The following SLC9A9 variants were observed in gnomAD, a reference collection of about 807,000 sequenced individuals.
SLC9A9 encodes the protein solute carrier family 9 member A9.
Under a neutral mutation model 77.8 loss-of-function variants are expected in SLC9A9, and 62 were observed. That is an observed-to-expected ratio of 0.80 (90% CI 0.65 to 0.98). The LOEUF (loss-of-function observed/expected upper bound fraction) is 0.98, where lower values mean the gene tolerates loss of function less well. Ranked by LOEUF, SLC9A9 falls within the 50% of genes least tolerant of loss-of-function variation. SLC9A9 has a pLI of 0.00. For missense variants in SLC9A9, 775 were observed against 774.9 expected (o/e 1.00, Z 0.00); for synonymous variants, 320 against 283.5 (o/e 1.13, Z -1.29).
At chr3:143,309,598 T>C (rs1229201148) in intron 14 of SLC9A9, among the ~76,000 whole-genome samples, 2 of 152,166 alleles carry the variant, frequency 1.3e-5, no homozygotes, top group Non-Finnish European at 2.9e-5. Context: ...TCCAGACCCT[T>C]TCTTCTCATG....
chr3:143,655,681 TACACACACACACACACAC>T, intron 5 of SLC9A9: 1 of 626,142 alleles, frequency 1.6e-6, no homozygotes, highest in Non-Finnish European at 2.0e-6. Context: ...CATGCACATG[TACACACACACACACACAC>T]ACACACACAC....
At chr3:143,791,634 A>G (rs1298931569) in intron 4 of SLC9A9, among the ~76,000 whole-genome samples, 1 of 152,192 alleles carries the variant, frequency 6.6e-6, no homozygotes, top group African/African-American at 2.4e-5. Flanking sequence ...CATCATAACT[A>G]ATGCACTTAA....
intron 6 of SLC9A9, among the ~76,000 whole-genome samples, chr3:143,643,338 G>A (rs879790785): frequency 1.7e-4 from 26 of 152,206 alleles, no homozygotes; most frequent in Non-Finnish European, 1.3e-4. Flanking sequence ...CAGATAGATG[G>A]CAAGTTTCGT....
chr3:143,642,852 C>A (rs1413342885), intron 6 of SLC9A9, among the ~76,000 whole-genome samples: 1 of 152,110 alleles, frequency 6.6e-6, no homozygotes, highest in East Asian at 1.9e-4. Context: ...TCAATATTTG[C>A]ACTTTTCATT....
At chr3:143,310,248 C>A (rs7431684) in intron 14 of SLC9A9, among the ~76,000 whole-genome samples, 107,554 of 152,068 alleles carry the variant, frequency 0.71, 39,553 homozygotes, top group African/African-American at 0.92. Context: ...CAAGCAGCTA[C>A]AAAGGAAGAC....
At chr3:143,829,177 G>A (rs979463797) in intron 2 of SLC9A9, among the ~76,000 whole-genome samples, 3 of 152,138 alleles carry the variant, frequency 2.0e-5, no homozygotes, top group Admixed American at 6.6e-5. Flanking sequence ...TAGGTGATAC[G>A]TATATGCAGA....
chr3:143,660,937 T>A (rs1360581274), intron 5 of SLC9A9, among the ~76,000 whole-genome samples: 1 of 152,238 alleles, frequency 6.6e-6, no homozygotes, highest in Admixed American at 6.5e-5. Context: ...CCTCTGTTGC[T>A]GATGTAATTT....
intron 4 of SLC9A9, among the ~76,000 whole-genome samples, chr3:143,733,753 T>C (rs1418827058): frequency 2.6e-5 from 4 of 151,996 alleles, no homozygotes; most frequent in African/African-American, 9.7e-5. Context: ...ATCCAGGATG[T>C]AGATCTAGCC....
At chr3:143,511,244 T>C (rs923961852) in intron 9 of SLC9A9, among the ~76,000 whole-genome samples, 1 of 152,194 alleles carries the variant, frequency 6.6e-6, no homozygotes, top group African/African-American at 2.4e-5. Flanking sequence ...CCTGAACCTC[T>C]CTTCCTACTT....
At chr3:143,541,483 C>G (rs915563748) in intron 9 of SLC9A9, among the ~76,000 whole-genome samples, 4 of 152,214 alleles carry the variant, frequency 2.6e-5, no homozygotes, top group Non-Finnish European at 5.9e-5. Context: ...TCCAGGACTT[C>G]ACAAACTATA....
chr3:143,697,336 T>A (rs1372605327), intron 4 of SLC9A9, among the ~76,000 whole-genome samples: 1 of 152,150 alleles, frequency 6.6e-6, no homozygotes, highest in African/African-American at 2.4e-5. Context: ...AGTGGTTATA[T>A]AATAGAATTC....
Position 143,467,140 on chromosome 3 carries a change from G to A in SLC9A9, c.1366C>T (p.Gln456Ter). The A allele has an allele frequency of 6.2e-7, 1 of 1,614,192 alleles. No individual in the cohort carries two copies. The highest frequency in any genetic ancestry group is 8.5e-7 in the Non-Finnish European group (1 of 1,180,028). The change falls in exon 12 of 16, where the codon CAG (glutamine) becomes TAG (stop). Residue 456 changes from glutamine to a stop codon, truncating the protein, a stop_gained. Transcript: ENST00000316549. LOFTEE classifies it high-confidence loss of function. ...FALAIRNTES[Q>*]PKQMMFTTTL... is the part of the protein sequence containing the mutation. The stretch of plus-strand genomic sequence containing the variant: ...GTGGTAAACATCATTTGTTTGGGCT[G>A]AGATTCTGTGTTCCGAATAGCTAAG...
intron 14 of SLC9A9, among the ~76,000 whole-genome samples, chr3:143,333,323 T>C (rs541181834): frequency 6.7e-6 from 1 of 148,618 alleles, no homozygotes; most frequent in African/African-American, 2.5e-5. Context: ...CTTTCCCTAA[T>C]TGTTATTTAG....
intron 13 of SLC9A9, among the ~76,000 whole-genome samples, chr3:143,373,891 C>G (rs1466588650): frequency 6.6e-6 from 1 of 151,900 alleles, no homozygotes; most frequent in Non-Finnish European, 1.5e-5. Context: ...ACATGGAGAA[C>G]AAACATTTTT....
intron 6 of SLC9A9, among the ~76,000 whole-genome samples, chr3:143,650,586 A>G (rs4839649): frequency 0.084 from 12,747 of 152,202 alleles, 542 homozygotes; most frequent in East Asian, 0.11. Flanking sequence ...TAAGCTTTGG[A>G]AGTCAAATGT....
At position 143,413,780 on chromosome 3, in the gene SLC9A9, C is replaced by CTGTG. The variant is rs3068538; in HGVS notation, c.1470-31670_1470-31667dup. On this transcript the variant is annotated intron_variant, in intron 12 of 15. Coordinates refer to ENST00000316549, the MANE Select transcript of SLC9A9 (RefSeq NM_173653.4). ...AAAGTACAGAGATCAGTATTATTAA[C>CTGTG]TGTGTGTGTGTGTGTGTGTGTGTGT... Among the ~76,000 whole-genome samples the CTGTG allele has an allele frequency of 9.3e-3, 1,405 of 150,306 alleles. 11 individuals are homozygous for CTGTG. Among genetic ancestry groups the CTGTG allele is most frequent in the African/African-American group, 0.013 (516 of 40,956 alleles).
chr3:143,744,643 C>T lies in SLC9A9; in HGVS notation c.533+50358G>A, dbSNP rs112456607. Reference sequence around the variant, plus strand: ...TAGATACTAACTAGAACTTACCATTCTGTGCTCTAATGGTTTTAACAGGCT... The same window carrying T: ...TAGATACTAACTAGAACTTACCATTTTGTGCTCTAATGGTTTTAACAGGCT... On this transcript the variant is annotated intron_variant, in intron 4 of 15. Coordinates refer to ENST00000316549, the MANE Select transcript of SLC9A9 (RefSeq NM_173653.4). Among the ~76,000 whole-genome samples the T allele has an allele frequency of 2.7e-3, 414 of 152,298 alleles. 1 individual carries two copies. The highest frequency in any genetic ancestry group is 9.6e-3 in the African/African-American group (399 of 41,552).
At chr3:143,479,360 A>G (rs1011637031) in intron 11 of SLC9A9, among the ~76,000 whole-genome samples, 3 of 151,860 alleles carry the variant, frequency 2.0e-5, no homozygotes, top group Non-Finnish European at 4.4e-5. Flanking sequence ...GGTCTTCCCA[A>G]CCTCAGCCTC....
chr3:143,465,445 A>G (rs1304264601), intron 12 of SLC9A9, among the ~76,000 whole-genome samples: 1 of 152,246 alleles, frequency 6.6e-6, no homozygotes, highest in Non-Finnish European at 1.5e-5. Context: ...TTAGGATAAA[A>G]CATGTTACTG....
Sources: allele counts gnomAD v4.1 joint callset (sites outside exome capture counted in the v4.1 genomes callset), GRCh38; gene constraint gnomAD v4.1.1; transcripts MANE v1.5; gene names NCBI Gene and HGNC (gene_info 2026-07-23, HGNC 2026-07-21).